WIPF1: variants seen among roughly 807,000 people sequenced by gnomAD.
The protein encoded by WIPF1 is WAS/WASL interacting protein family member 1.
A neutral mutation model predicts 35.4 loss-of-function variants in WIPF1; 13 were observed. That is an observed-to-expected ratio of 0.37 (90% CI 0.24 to 0.58). The LOEUF is 0.58. WIPF1 is among the 20% of genes least tolerant of loss of function. WIPF1 has a pLI of 0.74. For synonymous variants in WIPF1, 267 were observed against 266.3 expected, an observed-to-expected ratio of 1.00 and a Z score of -0.02; for missense variants, 591 against 667.0, an observed-to-expected ratio of 0.89 and a Z score of 1.25.
rs372831223 is a variant in WIPF1 at position 174,674,601 on chromosome 2, T to A, written c.-39+8173A>T. On this transcript the variant is annotated intron_variant, in intron 1 of 8. Transcript: ENST00000272746. The stretch of plus-strand genomic sequence containing the variant: ...AGTTCTAGAAGACAAATCATATGTA[T>A]TATGATTAAGAAATTACAAAATTAA... Among the ~76,000 whole-genome samples, 8 of 152,228 alleles carry A rather than the reference T, an allele frequency of 5.3e-5. No homozygotes were observed. The East Asian group carries it at 1.5e-3, about 29-fold the overall frequency.
At chr2:174,618,371 G>C (rs1263602527) in intron 1 of WIPF1, among the ~76,000 whole-genome samples, 2 of 152,224 alleles carry the variant, frequency 1.3e-5, no homozygotes. Flanking sequence ...CAGGCAGTTA[G>C]CACTAGGGAA....
intron 1 of WIPF1, among the ~76,000 whole-genome samples, chr2:174,656,921 C>T (rs1201865709): frequency 6.6e-6 from 1 of 152,202 alleles, no homozygotes; most frequent in East Asian, 1.9e-4. Flanking sequence ...ACAAAATAGA[C>T]AGCTACTCAG....
chr2:174,563,262 C>T (rs555181688), intron 7 of WIPF1, among the ~76,000 whole-genome samples: 30 of 152,286 alleles, frequency 2.0e-4, no homozygotes, highest in African/African-American at 2.4e-4. Flanking sequence ...AGTACTCTGT[C>T]GATGTGTTCT....
In WIPF1 at chr2:174,620,299, G is replaced by A. The variant is rs369803579; in HGVS notation, c.-38-34688C>T. Among the ~76,000 whole-genome samples the A allele has an allele frequency of 1.7e-4, 26 of 152,256 alleles. 1 individual carries two copies. The highest frequency in any genetic ancestry group is 5.3e-4 in the African/African-American group (22 of 41,564). ...ATACTTGACTTGCAACTAGAATCTA[G>A]GTGTCTTGCCCTGTGATTCATTTCT... On this transcript the variant is annotated intron_variant, in intron 1 of 8. Transcript: ENST00000272746.
intron 1 of WIPF1, among the ~76,000 whole-genome samples, chr2:174,638,103 G>A (rs1036345200): frequency 6.6e-5 from 10 of 151,904 alleles, no homozygotes; most frequent in African/African-American, 2.2e-4. Context: ...TTTGACTAAA[G>A]TGGTTTGATG....
In WIPF1 at chr2:174,562,348, C is replaced by G. The variant is rs1276053401; in HGVS notation, c.*199G>C. 1 of 1,482,552 alleles carries G rather than the reference C, an allele frequency of 6.7e-7. No individual in the cohort carries two copies. The highest frequency in any genetic ancestry group is 9.0e-7 in the Non-Finnish European group (1 of 1,115,392). 91.8% of individuals were successfully genotyped at this position (1,482,552 alleles called of 1,614,324 possible). On this transcript the variant is annotated 3_prime_UTR_variant, in exon 8 of 8. Coordinates refer to ENST00000679041, the MANE Select transcript of WIPF1 (RefSeq NM_001375834.1). ...GGCTGCAGCTGAAGCAAGCAATAGC[C>G]TGGAGAATAAACACAATATGAAAAG...
At chr2:174,630,356 A>G (rs879173384) in intron 1 of WIPF1, 1 of 152,228 alleles carries the variant, frequency 6.6e-6, no homozygotes, top group Admixed American at 6.5e-5. Flanking sequence ...AGAAATAACA[A>G]TCTGAGTGGT....
rs202230034 is a variant in WIPF1 at position 174,567,002 on chromosome 2, T to C, written c.1456+68A>G. ...CTCCAGGCAAGAAGCCTGGACTTTCTATATAGCCCGAGTGTCACTCAGGCT... is the reference window on the plus strand; with the variant it reads ...CTCCAGGCAAGAAGCCTGGACTTTCCATATAGCCCGAGTGTCACTCAGGCT... On this transcript the variant is annotated intron_variant, in intron 7 of 7. Coordinates refer to ENST00000679041, the MANE Select transcript of WIPF1 (RefSeq NM_001375834.1). 1,239 of 1,501,508 alleles carry C rather than the reference T, an allele frequency of 8.3e-4. 3 individuals carry two copies. Among genetic ancestry groups the C allele is most frequent in the Middle Eastern group, 2.2e-3 (13 of 5,824 alleles). The allele number at this position is 1,501,508 out of a possible 1,614,324, so 93.0% of individuals were successfully genotyped here. A position where few individuals can be genotyped will look rare whatever the true frequency, so the allele number is the denominator to read the frequency against.
intron 3 of WIPF1, among the ~76,000 whole-genome samples, chr2:174,579,896 C>T (rs1336500718): frequency 2.0e-5 from 3 of 151,568 alleles, no homozygotes; most frequent in South Asian, 2.1e-4. Context: ...TAACCACATT[C>T]GTTTTGTGGG....
intron 3 of WIPF1, among the ~76,000 whole-genome samples, chr2:174,575,913 G>A (rs201610688): frequency 6.6e-6 from 1 of 151,902 alleles, no homozygotes; most frequent in African/African-American, 2.4e-5. Flanking sequence ...AGAAAGGAAA[G>A]AGTTAAAAAG....
chr2:174,644,107 CCT>C (rs1313040858), intron 1 of WIPF1, among the ~76,000 whole-genome samples: 4 of 151,994 alleles, frequency 2.6e-5, no homozygotes, highest in Non-Finnish European at 4.4e-5. Context: ...CTGTCTTTCC[CCT>C]CTTTTCTAGA....
intron 1 of WIPF1, among the ~76,000 whole-genome samples, chr2:174,662,855 G>A (rs945648614): frequency 6.6e-6 from 1 of 152,194 alleles, no homozygotes; most frequent in Non-Finnish European, 1.5e-5. Context: ...GGAATATCCT[G>A]GGTCTATATG....
At chr2:174,623,534 A>G (rs1239981170) in intron 1 of WIPF1, 1 of 152,240 alleles carries the variant, frequency 6.6e-6, no homozygotes, top group Non-Finnish European at 1.5e-5. Context: ...AGAGTGAGAG[A>G]AAGCTCCTAA....
rs551947479 is a variant in WIPF1 at position 174,670,860 on chromosome 2, A to C, written c.-39+11914T>G. Reference sequence around the variant, plus strand: ...AATGCCCTCCAAAGCACTTACAGTCACCTGGTTAGGCATAGGGTGTTTTGT... The same window carrying C: ...AATGCCCTCCAAAGCACTTACAGTCCCCTGGTTAGGCATAGGGTGTTTTGT... On this transcript the variant is annotated intron_variant, in intron 1 of 8. Transcript: ENST00000272746. Among the ~76,000 whole-genome samples, 3 of 148,228 alleles carry C rather than the reference A, an allele frequency of 2.0e-5. No homozygotes were observed. In the East Asian group the frequency reaches 5.8e-4, roughly 29 times the overall value.
chr2:174,626,309 A>C (rs1217821838), intron 1 of WIPF1, among the ~76,000 whole-genome samples: 1 of 152,246 alleles, frequency 6.6e-6, no homozygotes, highest in Non-Finnish European at 1.5e-5. Flanking sequence ...CAGTCCCAGA[A>C]ATCAAACCAG....
At chr2:174,621,422 A>T (rs1032853232) in intron 1 of WIPF1, among the ~76,000 whole-genome samples, 18 of 152,158 alleles carry the variant, frequency 1.2e-4, no homozygotes, top group Non-Finnish European at 2.6e-4. Flanking sequence ...AACTCTGGAG[A>T]TCAGGAGAGG....
At chr2:174,641,735 G>C (rs1314045334) in intron 1 of WIPF1, among the ~76,000 whole-genome samples, 1 of 152,182 alleles carries the variant, frequency 6.6e-6, no homozygotes, top group Non-Finnish European at 1.5e-5. Flanking sequence ...CCAGTACCCA[G>C]GAGGGACTGG....
chr2:174,567,084 C>G lies in WIPF1; in HGVS notation c.1442G>C (p.Arg481Thr). The change falls in exon 7 of 8, where the codon AGA becomes ACA. Residue 481 changes from arginine to threonine, a missense_variant. Physicochemically the swap from Arg to Thr is moderately conservative, Grantham distance 71. Around this residue, in one of 3 missense-constraint regions of WIPF1, gnomAD observed 117 missense variants for 149.6 expected, o/e 0.78. Coordinates refer to ENST00000679041, the MANE Select transcript of WIPF1 (RefSeq NM_001375834.1). ...GAAATACTCACTCCGGCTTTCGTTT[C>G]TTGCCAGTTTGCTGGGATAACTTTT... ...TTKSYPSKLARNESRSGSNRR... is the reference protein window; with the variant it reads ...TTKSYPSKLATNESRSGSNRR... 4 of 1,614,226 alleles carry G rather than the reference C, an allele frequency of 2.5e-6. No homozygotes were observed. The highest frequency in any genetic ancestry group is 3.4e-6 in the Non-Finnish European group (4 of 1,180,036).
At chr2:174,645,112 A>C (rs1176881191) in intron 1 of WIPF1, among the ~76,000 whole-genome samples, 1 of 152,220 alleles carries the variant, frequency 6.6e-6, no homozygotes, top group East Asian at 1.9e-4. Context: ...CTTGGTTTGG[A>C]CCACGAGAAA....
Sources: allele counts gnomAD v4.1 joint callset (sites outside exome capture counted in the v4.1 genomes callset), GRCh38; gene constraint gnomAD v4.1.1; regional missense constraint gnomAD v4.1.1; transcripts MANE v1.5; gene names NCBI Gene and HGNC (gene_info 2026-07-23, HGNC 2026-07-21).